The following FHIT variants were observed in gnomAD, a reference collection of about 807,000 sequenced individuals.
The protein encoded by FHIT is bis(5'-adenosyl)-triphosphatase.
FHIT carries 19 observed loss-of-function variants against 17.9 expected under a neutral mutation model. The observed-to-expected ratio is 1.06, with a 90% CI of 0.74 to 1.56. The LOEUF (loss-of-function observed/expected upper bound fraction) is 1.56. FHIT is among the 40% of genes most tolerant of loss of function. FHIT has a pLI of 0.00. For missense variants in FHIT, 248 were observed against 189.2 expected (o/e 1.31, Z -1.82); for synonymous variants, 81 against 69.7 (o/e 1.16, Z -0.81).
chr3:61,119,857 C>A (rs1382428585), intron 2 of FHIT, among the ~76,000 whole-genome samples: 1 of 152,224 alleles, frequency 6.6e-6, no homozygotes, highest in Non-Finnish European at 1.5e-5. Context: ...CTCACATCAT[C>A]AGGTCTCCTG....
chr3:60,240,857 A>C (rs1052095212), intron 5 of FHIT, among the ~76,000 whole-genome samples: 9 of 152,180 alleles, frequency 5.9e-5, no homozygotes, highest in Non-Finnish European at 1.3e-4. Context: ...TTTGAAATAA[A>C]CCAGGAAATA....
intron 5 of FHIT, among the ~76,000 whole-genome samples, chr3:60,477,588 A>G (rs1188170307): frequency 6.6e-6 from 1 of 152,210 alleles, no homozygotes; most frequent in African/African-American, 2.4e-5. Context: ...TTTCATATTA[A>G]TGTCTGCATT....
chr3:60,544,852 C>T (rs2107613681), intron 4 of FHIT, among the ~76,000 whole-genome samples: 1 of 152,224 alleles, frequency 6.6e-6, no homozygotes, highest in African/African-American at 2.4e-5. Flanking sequence ...CTGCCTCAGC[C>T]TCCCAAAGTG....
chr3:60,435,907 G>T (rs138421477), intron 5 of FHIT, among the ~76,000 whole-genome samples: 2 of 152,102 alleles, frequency 1.3e-5, no homozygotes, highest in Non-Finnish European at 2.9e-5. Flanking sequence ...AAAACGTATA[G>T]TATTTGGTTT....
At chr3:59,940,792 A>G (rs1325836138) in intron 7 of FHIT, among the ~76,000 whole-genome samples, 1 of 152,168 alleles carries the variant, frequency 6.6e-6, no homozygotes, top group East Asian at 1.9e-4. Context: ...AATACATGAA[A>G]ACCTCTTAGC....
chr3:59,806,403 A>C (rs1700198439), intron 8 of FHIT, among the ~76,000 whole-genome samples: 1 of 152,118 alleles, frequency 6.6e-6, no homozygotes, highest in Admixed American at 6.5e-5. Context: ...AACTGAACCT[A>C]GTTCTTAGAG....
chr3:60,403,820 G>T (rs534974511), intron 5 of FHIT, among the ~76,000 whole-genome samples: 1 of 152,152 alleles, frequency 6.6e-6, no homozygotes, highest in Non-Finnish European at 1.5e-5. Context: ...GTATCTTTGG[G>T]TCATCATTCT....
At chr3:60,975,973 C>T (rs1336812782) in intron 3 of FHIT, among the ~76,000 whole-genome samples, 1 of 151,952 alleles carries the variant, frequency 6.6e-6, no homozygotes, top group African/African-American at 2.4e-5. Flanking sequence ...ACTCTTTCTA[C>T]ACAGTGGAAA....
intron 8 of FHIT, among the ~76,000 whole-genome samples, chr3:59,781,019 A>G (rs1007228760): frequency 6.6e-5 from 10 of 152,192 alleles, no homozygotes; most frequent in Non-Finnish European, 1.5e-4. Context: ...TATAATACAA[A>G]TAAAATTGTA....
At chr3:60,893,865 A>G (rs1419494734) in intron 3 of FHIT, among the ~76,000 whole-genome samples, 1 of 152,228 alleles carries the variant, frequency 6.6e-6, no homozygotes, top group Non-Finnish European at 1.5e-5. Context: ...AGAGAAATCA[A>G]GGCACCACAT....
intron 4 of FHIT, among the ~76,000 whole-genome samples, chr3:60,631,803 T>C (rs1432827506): frequency 1.3e-5 from 2 of 152,200 alleles, no homozygotes; most frequent in Non-Finnish European, 2.9e-5. Flanking sequence ...CTTAATGCTA[T>C]TTTAAAATCC....
chr3:61,207,225 AT>A (rs1384767810), intron 1 of FHIT, among the ~76,000 whole-genome samples: 1 of 152,106 alleles, frequency 6.6e-6, no homozygotes, highest in African/African-American at 2.4e-5. Context: ...GTTTGCCAGT[AT>A]TTTATTGAGG....
chr3:60,760,025 A>C (rs1183667748), intron 4 of FHIT, among the ~76,000 whole-genome samples: 6 of 125,784 alleles, frequency 4.8e-5, no homozygotes, highest in South Asian at 2.5e-4. Context: ...TCCCTCTCTT[A>C]CTCTCTTTAT....
At chr3:60,646,729 G>C (rs1306948050) in intron 4 of FHIT, among the ~76,000 whole-genome samples, 1 of 152,112 alleles carries the variant, frequency 6.6e-6, no homozygotes, top group African/African-American at 2.4e-5. Flanking sequence ...AGTTGACATG[G>C]CGTTACTCAC....
intron 5 of FHIT, among the ~76,000 whole-genome samples, chr3:60,410,677 T>A (rs1432245982): frequency 6.6e-6 from 1 of 152,194 alleles, no homozygotes; most frequent in Non-Finnish European, 1.5e-5. Context: ...AAACAGTATA[T>A]TCTTCATTTC....
intron 5 of FHIT, among the ~76,000 whole-genome samples, chr3:60,074,585 G>C (rs1702923098): frequency 6.6e-6 from 1 of 151,766 alleles, no homozygotes; most frequent in Non-Finnish European, 1.5e-5. Context: ...ACCTGGCTCA[G>C]CTTCATGGAC....
At chr3:60,063,991 A>C (rs1702398158) in intron 5 of FHIT, among the ~76,000 whole-genome samples, 1 of 152,232 alleles carries the variant, frequency 6.6e-6, no homozygotes, top group African/African-American at 2.4e-5. Context: ...ATTTAAGTAA[A>C]GATTTTAAAG....
chr3:60,215,501 T>G (rs1439619875), intron 5 of FHIT, among the ~76,000 whole-genome samples: 1 of 152,030 alleles, frequency 6.6e-6, no homozygotes, highest in Non-Finnish European at 1.5e-5. Context: ...AGGCGGAGTT[T>G]GCAGTGAGCC....
At chr3:59,978,136 A>G (rs1229521606) in intron 7 of FHIT, among the ~76,000 whole-genome samples, 3 of 152,176 alleles carry the variant, frequency 2.0e-5, no homozygotes, top group East Asian at 1.9e-4. Flanking sequence ...GAAATTAGCA[A>G]TAATACTTGA....
Sources: allele counts gnomAD v4.1 joint callset (sites outside exome capture counted in the v4.1 genomes callset), GRCh38; gene constraint gnomAD v4.1.1; transcripts MANE v1.5; gene names NCBI Gene and HGNC (gene_info 2026-07-23, HGNC 2026-07-21).